Variants in ITPRID1 observed in about 807,000 individuals in gnomAD.
ITPRID1 encodes the protein protein ITPRID1.
A neutral mutation model predicts 95.4 loss-of-function variants in ITPRID1; 96 were observed. The ratio of observed to expected loss-of-function variants is 1.01; its 90% CI spans 0.85 to 1.19. ITPRID1 has a LOEUF of 1.19. Among genes scored for constraint, ITPRID1 ranks in the 50% most tolerant of loss-of-function variants. ITPRID1 has a pLI of 0.00. For synonymous variants in ITPRID1, 510 were observed against 453.6 expected, an observed-to-expected ratio of 1.12 and a Z score of -1.58; for missense variants, 1,339 against 1,252.9, an observed-to-expected ratio of 1.07 and a Z score of -1.04.
At chr7:31,620,700 C>T (rs1242195266) in intron 10 of ITPRID1, among the ~76,000 whole-genome samples, 6 of 151,906 alleles carry the variant, frequency 3.9e-5, no homozygotes, top group African/African-American at 1.5e-4. Context: ...AAAAGCAGAG[C>T]ACCTCTCCTC....
In ITPRID1 at chr7:31,654,981, G is replaced by A. The variant is rs1055536759; in HGVS notation, c.*2152G>A. ...TTCCCATGGACTTAACATTCTCAGAGCGTGGACATCCCCATTCTGTCCTGA... is the reference window on the plus strand; with the variant it reads ...TTCCCATGGACTTAACATTCTCAGAACGTGGACATCCCCATTCTGTCCTGA... On this transcript the variant is annotated 3_prime_UTR_variant, in exon 15 of 15. Transcript: ENST00000615280. Among the ~76,000 whole-genome samples the A allele has an allele frequency of 7.2e-5, 11 of 152,050 alleles. No individual in the cohort carries two copies. Among genetic ancestry groups the A allele is most frequent in the African/African-American group, 2.4e-4 (10 of 41,392 alleles).
chr7:31,564,432 A>G (rs1212707781), intron 5 of ITPRID1, among the ~76,000 whole-genome samples: 1 of 152,168 alleles, frequency 6.6e-6, no homozygotes, highest in Non-Finnish European at 1.5e-5. Context: ...TCCCTCCCCA[A>G]ACACTCTTAG....
chr7:31,642,464 G>A (rs775278130), intron 11 of ITPRID1, among the ~76,000 whole-genome samples: 6 of 152,186 alleles, frequency 3.9e-5, no homozygotes, highest in East Asian at 1.9e-4. Context: ...ACAAGGTGCC[G>A]GAAAGTGTGG....
At chr7:31,602,002 C>G (rs1313069233) in intron 10 of ITPRID1, among the ~76,000 whole-genome samples, 2 of 151,994 alleles carry the variant, frequency 1.3e-5, no homozygotes, top group African/African-American at 4.8e-5. Context: ...ATAATGTAGT[C>G]TCTGGCTGTT....
chr7:31,574,740 A>C lies in ITPRID1; in HGVS notation c.596A>C (p.Tyr199Ser), dbSNP rs753915960. The C allele has an allele frequency of 5.6e-6, 9 of 1,613,506 alleles. No homozygotes were observed. Residue 199 changes from tyrosine to serine, a missense_variant and splice_region_variant, in exon 8 of 15, where the codon TAC (tyrosine) becomes TCC (serine). By Grantham distance (144) the Tyr-to-Ser change is moderately radical. Coordinates refer to ENST00000615280, the MANE Select transcript of ITPRID1 (RefSeq NM_001257967.3). ...QRMDIENPNL[Y>S]GRFRQLEILD... Reference sequence around the variant, plus strand: ...ATGGACATTGAGAACCCCAACTTGTACGGTAAGCGAGGTGCCTGTGGCATT... The same window carrying C: ...ATGGACATTGAGAACCCCAACTTGTCCGGTAAGCGAGGTGCCTGTGGCATT...
At chr7:31,651,847 GC>G in intron 13 of ITPRID1, 91 bp from the exon 14 acceptor site, 1 of 747,770 alleles carries the variant, frequency 1.3e-6, no homozygotes. Flanking sequence ...TTAAGAAATT[GC>G]AAAGGAAGAA....
At chr7:31,616,227 C>G (rs554842882) in intron 10 of ITPRID1, among the ~76,000 whole-genome samples, 1 of 152,064 alleles carries the variant, frequency 6.6e-6, no homozygotes, top group Admixed American at 6.6e-5. Flanking sequence ...GGTTTTTAAT[C>G]GTGCCTCTTT....
intron 9 of ITPRID1, among the ~76,000 whole-genome samples, chr7:31,578,651 TC>T (rs1785286868): frequency 6.6e-6 from 1 of 152,234 alleles, no homozygotes; most frequent in African/African-American, 2.4e-5. Context: ...ATCTTTCCTT[TC>T]TTCTTGCTCG....
rs754075747 is a variant in ITPRID1 at position 31,643,623 on chromosome 7, G to A, written c.2253G>A (p.Gly751=). The A allele has an allele frequency of 6.2e-7, 1 of 1,613,916 alleles. No homozygotes were observed. Among genetic ancestry groups the A allele is most frequent in the Middle Eastern group, 1.6e-4 (1 of 6,084 alleles). The change falls in exon 12 of 15, where the codon GGG becomes GGA. Residue 751 remains glycine (G), a synonymous_variant. Transcript: ENST00000615280. ...TTACCGCAACAGAAACAAGACTGGGGACAAAAGCAAGACAGTTAAATGATG... is the reference window on the plus strand; with the variant it reads ...TTACCGCAACAGAAACAAGACTGGGAACAAAAGCAAGACAGTTAAATGATG... ...DPVTATETRL[G]TKARQLNDAS... is the part of the protein sequence containing the mutation.
At chr7:31,596,182 C>T (rs1268690050) in intron 10 of ITPRID1, among the ~76,000 whole-genome samples, 1 of 150,956 alleles carries the variant, frequency 6.6e-6, no homozygotes, top group Non-Finnish European at 1.5e-5. Flanking sequence ...GATAAATAAG[C>T]TAATACCATA....
chr7:31,526,297 T>A (rs1783419305), intron 1 of ITPRID1, among the ~76,000 whole-genome samples: 1 of 152,234 alleles, frequency 6.6e-6, no homozygotes, highest in South Asian at 2.1e-4. Context: ...TTTTTCAACT[T>A]ATGATGGGTT....
chr7:31,644,133 C>T (rs1376458928), intron 12 of ITPRID1, among the ~76,000 whole-genome samples, 180 bp downstream of exon 12: 1 of 152,110 alleles, frequency 6.6e-6, no homozygotes, highest in African/African-American at 2.4e-5. Context: ...CATTTCTTCT[C>T]GATACTTCCA....
chr7:31,656,716 T>C (rs563207020), downstream of ITPRID1, among the ~76,000 whole-genome samples: 1 of 152,292 alleles, frequency 6.6e-6, no homozygotes, highest in East Asian at 1.9e-4. Context: ...GTGGACGGTT[T>C]TGACAGTCAG....
chr7:31,529,672 G>T (rs1783531718), intron 1 of ITPRID1: 3 of 1,067,214 alleles, frequency 2.8e-6, no homozygotes, highest in South Asian at 2.9e-5. Context: ...AGAAACTTGG[G>T]TCATAGTTCT....
At chr7:31,532,468 G>C (rs1013919584) in intron 1 of ITPRID1, among the ~76,000 whole-genome samples, 2 of 152,152 alleles carry the variant, frequency 1.3e-5, no homozygotes, top group South Asian at 4.1e-4. Flanking sequence ...TCATTGTTAG[G>C]TATGACATTA....
In ITPRID1 at chr7:31,563,777, G is replaced by A. The variant is rs577301676; in HGVS notation, c.257-5981G>A. On this transcript the variant is annotated intron_variant, in intron 5 of 14. Transcript: ENST00000615280. ...CAATAGGGGGCGGCAGTGGAATGGG[G>A]AGGAAGGGTCAAAGATATCTGGAAA... is the stretch of plus-strand genomic sequence containing the variant. 5.9e-5 allele frequency among the ~76,000 whole-genome samples: 9 copies of A among 152,254 alleles called. No homozygotes were observed. In the South Asian group the frequency reaches 8.3e-4, roughly 14 times the overall value.
chr7:31,614,982 A>G (rs1024376017), intron 10 of ITPRID1, among the ~76,000 whole-genome samples: 6 of 152,156 alleles, frequency 3.9e-5, no homozygotes, highest in Admixed American at 6.6e-5. Context: ...TAGCCAAGGG[A>G]TTAATTTATT....
intron 10 of ITPRID1, among the ~76,000 whole-genome samples, chr7:31,606,103 A>T (rs1786609397): frequency 6.6e-6 from 1 of 152,194 alleles, no homozygotes; most frequent in South Asian, 2.1e-4. Flanking sequence ...AGTTGGTCTA[A>T]GGGAGTTTCA....
At chr7:31,615,914 T>C (rs1174505397) in intron 10 of ITPRID1, among the ~76,000 whole-genome samples, 2 of 151,864 alleles carry the variant, frequency 1.3e-5, no homozygotes, top group African/African-American at 4.8e-5. Flanking sequence ...CCACCACGCC[T>C]GGCTAATTTT....
Sources: gnomAD v4.1 joint callset for allele counts (sites outside exome capture counted in the v4.1 genomes callset) on GRCh38, gnomAD v4.1.1 for gene constraint, MANE v1.5 for transcripts, NCBI Gene and HGNC (gene_info 2026-07-23, HGNC 2026-07-21) for gene names.